STK38L: variants seen among roughly 807,000 people sequenced by gnomAD.
STK38L encodes serine/threonine kinase 38 like.
Under a neutral mutation model 59.7 loss-of-function variants are expected in STK38L, and 28 were observed. That is an observed-to-expected ratio of 0.47 (90% CI 0.35 to 0.64). The LOEUF is 0.64. STK38L is among the 30% of genes least tolerant of loss of function. The pLI, the probability that STK38L is intolerant of heterozygous loss-of-function variation, is 0.01. For missense variants in STK38L, 314 were observed against 555.8 expected, an observed-to-expected ratio of 0.56 and a Z score of 4.37; for synonymous variants, 162 against 176.8, an observed-to-expected ratio of 0.92 and a Z score of 0.66.
At chr12:27,277,541 AT>A (rs1472438462) in intron 1 of STK38L, among the ~76,000 whole-genome samples, 1 of 152,196 alleles carries the variant, frequency 6.6e-6, no homozygotes, top group Admixed American at 6.5e-5. Flanking sequence ...AAAGGACATA[AT>A]TGAGGAAGGA....
intron 1 of STK38L, among the ~76,000 whole-genome samples, chr12:27,280,225 T>C (rs943913952): frequency 1.3e-5 from 2 of 152,210 alleles, no homozygotes; most frequent in African/African-American, 4.8e-5. Context: ...TTCACAGTTT[T>C]CTTGAGGCGG....
At position 27,319,130 on chromosome 12, in the gene STK38L, C is replaced by G. The variant is rs545056474; in HGVS notation, c.1080-198C>G. 1.7e-3 allele frequency among the ~76,000 whole-genome samples: 255 copies of G among 152,290 alleles called. 1 individual carries two copies. Among genetic ancestry groups the G allele is most frequent in the African/African-American group, 5.9e-3 (246 of 41,564 alleles). On this transcript the variant is annotated intron_variant, in intron 11 of 13. Transcript: ENST00000389032. ...TATTTTTAATATTGTAAAAGATTAG[C>G]ATATTTACAGTAGTTATCTCTAAAC...
intron 1 of STK38L, among the ~76,000 whole-genome samples, chr12:27,247,520 T>A (rs1942880206): frequency 6.6e-6 from 1 of 152,226 alleles, no homozygotes; most frequent in Non-Finnish European, 1.5e-5. Flanking sequence ...TTTTTGGAAG[T>A]TATTCTTGGT....
Position 27,324,371 on chromosome 12 carries a change from T to C in STK38L, c.*1916T>C, listed in dbSNP as rs555767633. Reference sequence around the variant, plus strand: ...TCACCCCACATCGCTCCCCTTTTTTTAAAAAGGACTGTTTTGCTAGTGTGA... The same window carrying C: ...TCACCCCACATCGCTCCCCTTTTTTCAAAAAGGACTGTTTTGCTAGTGTGA... On this transcript the variant is annotated 3_prime_UTR_variant, in exon 14 of 14. Transcript: ENST00000389032. 1 of 152,220 alleles carries C rather than the reference T, an allele frequency of 6.6e-6. No homozygotes were observed. The highest frequency in any genetic ancestry group is 2.1e-4 in the South Asian group (1 of 4,820). The allele number at this position is 152,220 out of a possible 1,614,324, so 9.4% of individuals were successfully genotyped here. A position where few individuals can be genotyped will look rare whatever the true frequency, so the allele number is the denominator to read the frequency against.
chr12:27,292,797 C>T (rs529193712), intron 1 of STK38L, among the ~76,000 whole-genome samples: 1 of 152,326 alleles, frequency 6.6e-6, no homozygotes, highest in South Asian at 2.1e-4. Flanking sequence ...CATTACTTGA[C>T]ATCCACTTCC....
chr12:27,256,038 C>T (rs1263605772), intron 1 of STK38L, among the ~76,000 whole-genome samples: 1 of 152,180 alleles, frequency 6.6e-6, no homozygotes, highest in Non-Finnish European at 1.5e-5. Flanking sequence ...ACTCGTCCTC[C>T]TTGTTTATGA....
intron 1 of STK38L, among the ~76,000 whole-genome samples, chr12:27,284,387 T>G (rs1943725024): frequency 6.6e-6 from 1 of 152,236 alleles, no homozygotes; most frequent in Non-Finnish European, 1.5e-5. Context: ...ATGAGGGAGA[T>G]GGACTAGATA....
At chr12:27,311,518 G>A (rs1055876272) in intron 5 of STK38L, among the ~76,000 whole-genome samples, 6 of 152,076 alleles carry the variant, frequency 3.9e-5, no homozygotes, top group Non-Finnish European at 7.4e-5. Flanking sequence ...TGGAAAAAGT[G>A]TATAAATATA....
rs913968301 is a variant in STK38L at position 27,308,912 on chromosome 12, A to G, written c.310-202A>G. Among the ~76,000 whole-genome samples the G allele has an allele frequency of 6.8e-6, 1 of 146,226 alleles. No homozygotes were observed. Among genetic ancestry groups the G allele is most frequent in the African/African-American group, 2.5e-5 (1 of 40,476 alleles). On this transcript the variant is annotated intron_variant, in intron 4 of 13. Coordinates refer to ENST00000389032, the MANE Select transcript of STK38L (RefSeq NM_015000.4). The surrounding 1 kb of genome is among the most constrained non-coding windows in gnomAD (Gnocchi z 4.5). ...TGTAAATATATAAATATATATAAATATATATTAATATATATAAAATATATA... is the reference window on the plus strand; with the variant it reads ...TGTAAATATATAAATATATATAAATGTATATTAATATATATAAAATATATA...
At position 27,314,569 on chromosome 12, in the gene STK38L, T is replaced by G; in HGVS notation, c.583T>G (p.Ser195Ala). The G allele has an allele frequency of 6.2e-7, 1 of 1,610,386 alleles. No individual in the cohort carries two copies. The highest frequency in any genetic ancestry group is 1.1e-5 in the South Asian group (1 of 90,496). ...LTEEETQFYI[S>A]ETVLAIDAIH... is the part of the protein sequence containing the mutation. The stretch of plus-strand genomic sequence containing the variant: ...AGAAGAGGAAACACAGTTCTACATT[T>G]CAGAGACTGTTCTGGCAATAGATGC... Residue 195 changes from serine to alanine, a missense_variant, in exon 7 of 14, where the codon TCA (serine) becomes GCA (alanine). By Grantham distance (99) the Ser-to-Ala change is moderately conservative. Transcript: ENST00000389032.
chr12:27,304,848 T>G (rs768802226), intron 3 of STK38L, among the ~76,000 whole-genome samples: 6 of 152,188 alleles, frequency 3.9e-5, no homozygotes, highest in African/African-American at 7.2e-5. Flanking sequence ...GGTTATATTC[T>G]TTTGATCCAG....
Position 27,324,814 on chromosome 12 carries a change from G to A in STK38L, c.*2359G>A, listed in dbSNP as rs369490587. ...TTTGATTCATGATGCAAATTAACTA[G>A]ATAATTTGCAAAGTACCCTTGAGAT... On this transcript the variant is annotated 3_prime_UTR_variant, in exon 14 of 14. Transcript: ENST00000389032. The A allele has an allele frequency of 2.4e-3, 361 of 152,144 alleles. No individual in the cohort carries two copies. The highest frequency in any genetic ancestry group is 8.4e-3 in the African/African-American group (348 of 41,548). 9.4% of individuals were successfully genotyped at this position (152,144 alleles called of 1,614,324 possible).
intron 8 of STK38L, 67 bp from the exon 9 acceptor site, chr12:27,315,222 A>G (rs895098430): frequency 4.4e-6 from 7 of 1,576,688 alleles, no homozygotes; most frequent in African/African-American, 2.7e-5. Context: ...TTTTAGATGT[A>G]TATGTATTTT....
Position 27,315,115 on chromosome 12 carries a change from T to G in STK38L, c.773T>G (p.Phe258Cys). The change falls in exon 8 of 14, where the codon TTC becomes TGC. Residue 258 changes from phenylalanine to cysteine, a missense_variant and splice_region_variant. By Grantham distance (205) the Phe-to-Cys change is radical. Transcript: ENST00000389032. ...RNLTHNPPSD[F>C]SFQNMNSKRK... ...CTCACACACAACCCACCAAGTGACT[T>G]CTGTAAGTTTGGTTGTTGTTTTTCT... 1 of 1,612,844 alleles carries G rather than the reference T, an allele frequency of 6.2e-7. No individual in the cohort carries two copies. Among genetic ancestry groups the G allele is most frequent in the Non-Finnish European group, 8.5e-7 (1 of 1,179,148 alleles).
At chr12:27,257,315 G>C (rs1856979531) in intron 1 of STK38L, among the ~76,000 whole-genome samples, 1 of 152,206 alleles carries the variant, frequency 6.6e-6, no homozygotes, top group Admixed American at 6.5e-5. Context: ...CAGCTGTCCA[G>C]CGCTGCTCTG....
intron 3 of STK38L, 131 bp downstream of exon 3, chr12:27,302,319 T>A (rs914122430): frequency 1.2e-5 from 8 of 670,284 alleles, no homozygotes; most frequent in African/African-American, 1.9e-5. Flanking sequence ...GTTGCTGTCA[T>A]GGATATCTTT....
intron 2 of STK38L, 105 bp downstream of exon 2, chr12:27,297,959 T>C (rs1944067307): frequency 7.4e-7 from 1 of 1,359,006 alleles, no homozygotes. Context: ...TATGGATCCC[T>C]GCATGCTGTT....
intron 1 of STK38L, among the ~76,000 whole-genome samples, chr12:27,257,859 T>G (rs1206824712): frequency 6.7e-6 from 1 of 148,196 alleles, no homozygotes; most frequent in African/African-American, 2.5e-5. Context: ...TTAATTTATG[T>G]CAAGCTTTTT....
rs367647425 is a variant in STK38L at position 27,314,947 on chromosome 12, A to G, written c.673-68A>G. On this transcript the variant is annotated intron_variant, in intron 7 of 13. Coordinates refer to ENST00000389032, the MANE Select transcript of STK38L (RefSeq NM_015000.4). ...TTTTATTATAATTGCCATTTAATAGAGGAGTTTATAACAAGGCTTTTTGTT... is the reference window on the plus strand; with the variant it reads ...TTTTATTATAATTGCCATTTAATAGGGGAGTTTATAACAAGGCTTTTTGTT... The G allele has an allele frequency of 2.6e-6, 3 of 1,173,202 alleles. No homozygotes were observed. The African/African-American group carries it at 4.7e-5, about 18-fold the overall frequency. 72.7% of individuals were successfully genotyped at this position (1,173,202 alleles called of 1,614,324 possible). A position where few individuals can be genotyped will look rare whatever the true frequency, so the allele number is the denominator to read the frequency against.
Sources: gnomAD v4.1 joint callset for allele counts (sites outside exome capture counted in the v4.1 genomes callset) on GRCh38, gnomAD v4.1.1 for gene constraint, Gnocchi (gnomAD v3.1) non-coding constraint, MANE v1.5 for transcripts, NCBI Gene and HGNC (gene_info 2026-07-23, HGNC 2026-07-21) for gene names.